Variants in TMEM181 observed in about 807,000 individuals in gnomAD.
The protein encoded by TMEM181 is G protein-coupled receptor 178.
In TMEM181, 39 loss-of-function variants were observed where a neutral mutation model predicts 71.9. The observed-to-expected ratio is 0.54, with a 90% CI of 0.42 to 0.71. The LOEUF is 0.71. Among genes scored for constraint, TMEM181 ranks in the 30% least tolerant of loss-of-function variants. TMEM181 has a pLI of 0.00. For missense variants in TMEM181, 595 were observed against 583.0 expected, an observed-to-expected ratio of 1.02 and a Z score of -0.21; for synonymous variants, 245 against 228.8, an observed-to-expected ratio of 1.07 and a Z score of -0.64.
intron 4 of TMEM181, among the ~76,000 whole-genome samples, chr6:158,584,957 A>AT (rs1783680865): frequency 6.6e-6 from 1 of 152,182 alleles, no homozygotes; most frequent in East Asian, 1.9e-4. Flanking sequence ...TAAGAAATCT[A>AT]TTTCTATTTT....
intron 4 of TMEM181, 144 bp from the exon 5 acceptor site, chr6:158,585,160 G>T (rs1286937774): frequency 3.7e-6 from 3 of 802,750 alleles, no homozygotes; most frequent in East Asian, 5.9e-5. Context: ...GCAATTAAGA[G>T]ATTTTCAAAT....
At chr6:158,573,547 G>T (rs779062106) in intron 2 of TMEM181, 24 bp downstream of exon 2, 4 of 1,570,846 alleles carry the variant, frequency 2.5e-6, no homozygotes, top group South Asian at 1.2e-5. Flanking sequence ...TTTACTCATT[G>T]AATCTTTTGC....
chr6:158,615,078 G>A (rs1210042614), intron 10 of TMEM181, among the ~76,000 whole-genome samples: 3 of 152,136 alleles, frequency 2.0e-5, no homozygotes, highest in Admixed American at 6.5e-5. Context: ...CTTCCACAAC[G>A]GTTGAACTAG....
At chr6:158,628,613 G>C in intron 14 of TMEM181, 123 bp downstream of exon 14, 2 of 792,806 alleles carry the variant, frequency 2.5e-6, no homozygotes, top group South Asian at 1.7e-5. Context: ...TTCTCCGGAG[G>C]CCTCGTCTCT....
chr6:158,581,001 A>G lies in TMEM181; in HGVS notation c.168+6A>G. Reference sequence around the variant, plus strand: ...CACTAAATAATAGCAAAAAGGTAAGACTGGGTCTGAGTGGCAGCTGGGTGG... The same window carrying G: ...CACTAAATAATAGCAAAAAGGTAAGGCTGGGTCTGAGTGGCAGCTGGGTGG... On this transcript the variant is annotated splice_donor_region_variant and intron_variant, in intron 3 of 16. Coordinates refer to ENST00000684151, the MANE Select transcript of TMEM181 (RefSeq NM_001376852.1). 6.2e-7 allele frequency: 1 copy of G among 1,606,806 alleles called. No homozygotes were observed. Among genetic ancestry groups the G allele is most frequent in the Non-Finnish European group, 8.5e-7 (1 of 1,174,196 alleles).
At chr6:158,578,420 T>C (rs1336418063) in intron 2 of TMEM181, among the ~76,000 whole-genome samples, 2 of 152,252 alleles carry the variant, frequency 1.3e-5, no homozygotes, top group Non-Finnish European at 2.9e-5. Flanking sequence ...ACTATTACTG[T>C]AAAATCTAGT....
intron 3 of TMEM181, among the ~76,000 whole-genome samples, chr6:158,582,478 A>G (rs185224867): frequency 4.6e-5 from 7 of 152,280 alleles, no homozygotes; most frequent in East Asian, 1.9e-4. Flanking sequence ...TAGCCTGGGC[A>G]GCATAGGGAG....
intron 7 of TMEM181, among the ~76,000 whole-genome samples, chr6:158,606,182 A>G (rs1397192120): frequency 1.7e-5 from 2 of 117,632 alleles, no homozygotes; most frequent in African/African-American, 6.3e-5. Flanking sequence ...CTAGAGCCAC[A>G]GGGAGCTGGA....
At position 158,629,721 on chromosome 6, in the gene TMEM181, C is replaced by T; in HGVS notation, c.1193-9C>T. On this transcript the variant is annotated splice_polypyrimidine_tract_variant and intron_variant, in intron 14 of 16. Transcript: ENST00000684151. Reference sequence around the variant, plus strand: ...CCAGATGCCGCGTTCCTTCCCTTGACAGCACCACCAGCCGAGTTCTTATCT... The same window carrying T: ...CCAGATGCCGCGTTCCTTCCCTTGATAGCACCACCAGCCGAGTTCTTATCT... 6.2e-7 allele frequency: 1 copy of T among 1,600,372 alleles called. No individual in the cohort carries two copies.
chr6:158,585,068 T>C (rs924875843), intron 4 of TMEM181, among the ~76,000 whole-genome samples: 10 of 152,216 alleles, frequency 6.6e-5, no homozygotes, highest in Non-Finnish European at 8.8e-5. Context: ...GAAGTGAAAC[T>C]GATGGGTCTG....
intron 13 of TMEM181, among the ~76,000 whole-genome samples, chr6:158,627,643 A>C (rs1392278751): frequency 6.6e-6 from 1 of 152,192 alleles, no homozygotes; most frequent in African/African-American, 2.4e-5. Flanking sequence ...CAGCATGGCG[A>C]GGTGGAGAGA....
At chr6:158,585,833 A>G (rs1229605867) in intron 5 of TMEM181, among the ~76,000 whole-genome samples, 1 of 151,884 alleles carries the variant, frequency 6.6e-6, no homozygotes, top group East Asian at 1.9e-4. Flanking sequence ...TTTTTGTTTT[A>G]TTTTGTTTAG....
At chr6:158,584,209 TC>T (rs1783634793) in intron 4 of TMEM181, among the ~76,000 whole-genome samples, 165 bp downstream of exon 4, 1 of 152,248 alleles carries the variant, frequency 6.6e-6, no homozygotes, top group Non-Finnish European at 1.5e-5. Flanking sequence ...TTAAATGTCT[TC>T]CAGTGGGAGA....
chr6:158,630,837 G>A (rs547347712), intron 15 of TMEM181, among the ~76,000 whole-genome samples: 42 of 142,536 alleles, frequency 2.9e-4, no homozygotes, highest in Non-Finnish European at 5.5e-4. Context: ...CGCACCCCCC[G>A]ACATCTTATA....
chr6:158,611,478 T>A (rs1785306975), intron 10 of TMEM181: 1 of 528,304 alleles, frequency 1.9e-6, no homozygotes, highest in South Asian at 1.4e-5. Flanking sequence ...CTCAGTCGTA[T>A]CATTCTGACT....
At chr6:158,547,281 CTAAA>C (rs1408356125) in intron 1 of TMEM181, among the ~76,000 whole-genome samples, 1 of 152,142 alleles carries the variant, frequency 6.6e-6, no homozygotes, top group Admixed American at 6.5e-5. Context: ...GACCCTGTCT[CTAAA>C]TAAATAAATA....
At chr6:158,626,302 C>T (rs1366513391) in intron 13 of TMEM181, 1 of 437,420 alleles carries the variant, frequency 2.3e-6, no homozygotes, top group African/African-American at 2.0e-5. Flanking sequence ...GGTAGAGGAA[C>T]AGAGCGGTCT....
chr6:158,542,627 C>T (rs558172361), intron 1 of TMEM181, among the ~76,000 whole-genome samples: 1 of 152,202 alleles, frequency 6.6e-6, no homozygotes, highest in East Asian at 1.9e-4. Flanking sequence ...GTTTTTGAGG[C>T]AGAGTCTTGC....
chr6:158,587,933 A>G (rs1257837942), intron 5 of TMEM181, among the ~76,000 whole-genome samples: 4 of 152,224 alleles, frequency 2.6e-5, no homozygotes, highest in Non-Finnish European at 5.9e-5. Flanking sequence ...ATGTATTTAC[A>G]GATTTTAAGC....
Sources: gnomAD v4.1 joint callset for allele counts (sites outside exome capture counted in the v4.1 genomes callset) on GRCh38, gnomAD v4.1.1 for gene constraint, MANE v1.5 for transcripts, NCBI Gene and HGNC (gene_info 2026-07-23, HGNC 2026-07-21) for gene names.